Variants in RADIL observed in about 807,000 individuals in gnomAD.
RADIL encodes the protein ras-associating and dilute domain-containing protein.
RADIL carries 99 observed loss-of-function variants against 97.6 expected under a neutral mutation model. The ratio of observed to expected loss-of-function variants is 1.01; its 90% confidence interval spans 0.86 to 1.20. The LOEUF (loss-of-function observed/expected upper bound fraction) is 1.20, where lower values mean the gene tolerates loss of function less well. Among genes scored for constraint, RADIL ranks in the 50% most tolerant of loss-of-function variants. RADIL has a pLI of 0.00. For synonymous variants in RADIL, 803 were observed against 691.8 expected, an observed-to-expected ratio of 1.16 and a Z score of -2.52; for missense variants, 1,765 against 1,498.9, an observed-to-expected ratio of 1.18 and a Z score of -2.93.
chr7:4,821,843 G>A lies in RADIL; in HGVS notation c.1615+551C>T, dbSNP rs1490314227. Among the ~76,000 whole-genome samples, 2 of 152,068 alleles carry A rather than the reference G, an allele frequency of 1.3e-5. No individual in the cohort carries two copies. Among genetic ancestry groups the A allele is most frequent in the Non-Finnish European group, 2.9e-5 (2 of 68,022 alleles). ...TGCACTCCAGCCTGGGTGACAGAGC[G>A]AGACTCCGTCTCAAAAAAAGAAAAA... On this transcript the variant is annotated intron_variant, in intron 6 of 14. Transcript: ENST00000399583. This position sits in a 1 kb window ranked among gnomAD's most constrained non-coding sequence, Gnocchi z 5.2.
At chr7:4,830,733 G>C (rs573370249) in intron 5 of RADIL, among the ~76,000 whole-genome samples, 1 of 152,010 alleles carries the variant, frequency 6.6e-6, no homozygotes, top group East Asian at 1.9e-4. Context: ...CAAAATTAGC[G>C]GCTGGGCGCG....
chr7:4,875,615 C>T (rs1784358620), intron 2 of RADIL, among the ~76,000 whole-genome samples: 1 of 152,230 alleles, frequency 6.6e-6, no homozygotes, highest in South Asian at 2.1e-4. Flanking sequence ...TCTGCAGCCC[C>T]AAGGTGGCCC....
At position 4,847,739 on chromosome 7, in the gene RADIL, C is replaced by CAAAAAAAAA. The variant is rs56177809; in HGVS notation, c.536-11143_536-11135dup. 2.1e-3 allele frequency among the ~76,000 whole-genome samples: 51 copies of CAAAAAAAAA among 23,806 alleles called. 10 individuals are homozygous for CAAAAAAAAA. Among genetic ancestry groups the CAAAAAAAAA allele is most frequent in the Admixed American group, 3.8e-3 (5 of 1,304 alleles). The allele number at this position is 23,806 out of a possible 152,430, so 15.6% of individuals were successfully genotyped here. On this transcript the variant is annotated intron_variant, in intron 2 of 14. Coordinates refer to ENST00000399583, the MANE Select transcript of RADIL (RefSeq NM_018059.5). ...TATGCTACGTGAAAAAAGCTAGATG[C>CAAAAAAAAA]AAAAAAAAAAAAAAAAAAAAAAAAA...
intron 9 of RADIL, among the ~76,000 whole-genome samples, chr7:4,812,841 GAT>G (rs1288395964): frequency 6.6e-6 from 1 of 152,196 alleles, no homozygotes; most frequent in African/African-American, 2.4e-5. Flanking sequence ...CCTTGGGTTT[GAT>G]TTGTCATTCT....
chr7:4,877,948 G>A lies in RADIL; in HGVS notation c.192C>T (p.Val64=). 6.2e-7 allele frequency: 1 copy of A among 1,610,054 alleles called. No individual in the cohort carries two copies. The highest frequency in any genetic ancestry group is 2.2e-5 in the East Asian group (1 of 44,872). The part of the protein sequence containing the change: ...ELSTQLSAPG[V]LKVFGDSVCT... ...AGACACTGTCCCCAAACACCTTCAG[G>A]ACACCAGGGGCCGACAGCTGGGTGG... Residue 64 remains valine (V), a synonymous_variant, in exon 2 of 15, where the codon GTC becomes GTT. Transcript: ENST00000399583.
At chr7:4,861,545 G>T (rs1783996605) in intron 2 of RADIL, 1 of 1,614,028 alleles carries the variant, frequency 6.2e-7, no homozygotes, top group South Asian at 1.1e-5. Context: ...TTCAATTACA[G>T]ACTGGGGAAG....
At position 4,798,371 on chromosome 7, in the gene RADIL, A is replaced by C. The variant is rs73307309; in HGVS notation, c.*1007T>G. The C allele has an allele frequency of 0.086, 13,141 of 152,248 alleles. 1,299 individuals carry two copies. The highest frequency in any genetic ancestry group is 0.24 in the African/African-American group (10,147 of 41,510). 9.4% of individuals were successfully genotyped at this position (152,248 alleles called of 1,614,324 possible). On this transcript the variant is annotated 3_prime_UTR_variant, in exon 15 of 15. Coordinates refer to ENST00000399583, the MANE Select transcript of RADIL (RefSeq NM_018059.5). ...GGGACCCCGCACAGACCTCTGTCCC[A>C]GTGAGAGGTGCATCTGCAACTGATG...
chr7:4,846,944 C>G (rs1241193269), intron 2 of RADIL, among the ~76,000 whole-genome samples: 6 of 152,096 alleles, frequency 3.9e-5, no homozygotes. Context: ...ATAAAAAATG[C>G]TCAACATCAT....
intron 5 of RADIL, among the ~76,000 whole-genome samples, chr7:4,826,820 T>C (rs1282533903): frequency 6.7e-6 from 1 of 149,922 alleles, no homozygotes; most frequent in Non-Finnish European, 1.5e-5. Flanking sequence ...GCAAAACAGA[T>C]GGTAAAAATG....
chr7:4,802,914 A>C (rs13232798), intron 11 of RADIL, among the ~76,000 whole-genome samples: 653 of 37,070 alleles, frequency 0.018, no homozygotes, highest in African/African-American at 0.059. Context: ...CACCTCGGGG[A>C]ATGCTGGCTG....
chr7:4,850,924 G>A (rs369658367), intron 2 of RADIL, among the ~76,000 whole-genome samples: 41 of 152,268 alleles, frequency 2.7e-4, no homozygotes, highest in South Asian at 2.3e-3. Flanking sequence ...GTTCAGGGCC[G>A]AGTGTGGTGG....
rs150769174 is a variant in RADIL at position 4,857,669 on chromosome 7, G to C, written c.535+19936C>G. 8.9e-3 allele frequency: 1,365 copies of C among 152,696 alleles called. 9 individuals are homozygous for C. The highest frequency in any genetic ancestry group is 0.02 in the Middle Eastern group (6 of 294). 9.5% of individuals were successfully genotyped at this position (152,696 alleles called of 1,614,324 possible). On this transcript the variant is annotated intron_variant, in intron 2 of 14. Coordinates refer to ENST00000399583, the MANE Select transcript of RADIL (RefSeq NM_018059.5). ...TGACTCTACCCTCCTTCAGAACAAT[G>C]TAAGTACATCTGAATTCATATCTTA...
chr7:4,871,917 T>C (rs1323316217), intron 2 of RADIL, among the ~76,000 whole-genome samples: 1 of 152,126 alleles, frequency 6.6e-6, no homozygotes, highest in Non-Finnish European at 1.5e-5. Flanking sequence ...TCGGCGGCTT[T>C]ACAAACTCTC....
In RADIL at chr7:4,816,238, G is replaced by A; in HGVS notation, c.1956C>T (p.Leu652=). 1.9e-6 allele frequency: 3 copies of A among 1,610,004 alleles called. No individual in the cohort carries two copies. The highest frequency in any genetic ancestry group is 2.5e-6 in the Non-Finnish European group (3 of 1,177,584). ...GCACGAGGCCCTCACCCCTGTCGAGGAGCTGGTTGAGAAGCAGTGTCCCGG... is the reference window on the plus strand; with the variant it reads ...GCACGAGGCCCTCACCCCTGTCGAGAAGCTGGTTGAGAAGCAGTGTCCCGG... ...FFSGTLLLNQ[L]LDRGPSLSCF... Residue 652 remains leucine (L), a synonymous_variant, in exon 8 of 15, where the codon CTC becomes CTT. Coordinates refer to ENST00000399583, the MANE Select transcript of RADIL (RefSeq NM_018059.5).
intron 11 of RADIL, among the ~76,000 whole-genome samples, chr7:4,802,767 G>A (rs549705810): frequency 2.3e-4 from 21 of 93,054 alleles, no homozygotes; most frequent in South Asian, 3.9e-4. Context: ...CTCGGGGCAC[G>A]CTGGCTGGGG....
At chr7:4,820,316 G>T (rs141080201) in intron 6 of RADIL, among the ~76,000 whole-genome samples, 2 of 152,344 alleles carry the variant, frequency 1.3e-5, no homozygotes, top group Non-Finnish European at 2.9e-5. Context: ...GGGAGCCCAG[G>T]AGCCCCAGGG....
rs933878320 is a variant in RADIL at position 4,880,980 on chromosome 7, G to C, written c.-65+2616C>G. On this transcript the variant is annotated intron_variant, in intron 1 of 14. Coordinates refer to ENST00000399583, the MANE Select transcript of RADIL (RefSeq NM_018059.5). The surrounding 1 kb of genome is among the most constrained non-coding windows in gnomAD (Gnocchi z 4.5). ...TAGCTGGGCATGGTGTGCACCTGTA[G>C]TCCCAGCTACTCGGGAGGCTGAGGC... is the stretch of plus-strand genomic sequence containing the variant. 6.6e-6 allele frequency among the ~76,000 whole-genome samples: 1 copy of C among 151,916 alleles called. No homozygotes were observed. Among genetic ancestry groups the C allele is most frequent in the Admixed American group, 6.6e-5 (1 of 15,240 alleles).
intron 2 of RADIL, among the ~76,000 whole-genome samples, chr7:4,844,592 G>T (rs532590738): frequency 6.6e-6 from 1 of 152,278 alleles, no homozygotes; most frequent in South Asian, 2.1e-4. Context: ...TGGTGAATAA[G>T]CAAAATTCAG....
chr7:4,799,837 G>GC, intron 13 of RADIL, 68 bp from the exon 14 acceptor site: 1 of 1,438,024 alleles, frequency 7.0e-7, no homozygotes, highest in Non-Finnish European at 9.1e-7. Context: ...GACCACTGCA[G>GC]CCCCTCCCTT....
Sources: gnomAD v4.1 joint callset for allele counts (sites outside exome capture counted in the v4.1 genomes callset) on GRCh38, gnomAD v4.1.1 for gene constraint, Gnocchi (gnomAD v3.1) non-coding constraint, MANE v1.5 for transcripts, NCBI Gene and HGNC (gene_info 2026-07-23, HGNC 2026-07-21) for gene names.